Variants in FILIP1 observed in about 807,000 individuals in gnomAD.
FILIP1 encodes the protein filamin-A-interacting protein 1.
Under a neutral mutation model 102.1 loss-of-function variants are expected in FILIP1, and 61 were observed. That is an observed-to-expected ratio of 0.60 (90% CI 0.49 to 0.74). The LOEUF is 0.74. Ranked by LOEUF, FILIP1 falls within the 30% of genes least tolerant of loss-of-function variation. The pLI, the probability that FILIP1 is intolerant of heterozygous loss-of-function variation, is 0.00. For missense variants in FILIP1, 1,314 were observed against 1,441.2 expected, an observed-to-expected ratio of 0.91 and a Z score of 1.43; for synonymous variants, 491 against 526.9, an observed-to-expected ratio of 0.93 and a Z score of 0.93.
At chr6:75,442,745 GGAGAGGGAGAGGGA>G (rs1778312914) in intron 1 of FILIP1, among the ~76,000 whole-genome samples, 1 of 152,016 alleles carries the variant, frequency 6.6e-6, no homozygotes, top group African/African-American at 2.4e-5. Flanking sequence ...GAGACCGTGG[GGAGAGGGAGAGGGA>G]GAGGGGGAGG....
chr6:75,410,384 AT>A (rs1196398419), intron 2 of FILIP1, among the ~76,000 whole-genome samples: 1 of 149,250 alleles, frequency 6.7e-6, no homozygotes, highest in Non-Finnish European at 1.5e-5. Flanking sequence ...TAACTTCCAC[AT>A]TTTTTTTGAG....
rs1488752112 is a variant in FILIP1, at chr6:75,488,876, ACTTTT to A, written c.-7+4533_-7+4537del. On this transcript the variant is annotated intron_variant, in intron 1 of 5. Coordinates refer to ENST00000237172, the MANE Select transcript of FILIP1 (RefSeq NM_015687.5). ...ACACTTTTTGTTTGTCTTGGAATGT[ACTTTT>A]CTTTTCATATTTAAGAAGAATGAAT... 9.2e-5 allele frequency among the ~76,000 whole-genome samples: 14 copies of A among 152,284 alleles called. 1 individual carries two copies. The highest frequency in any genetic ancestry group is 6.2e-4 in the South Asian group (3 of 4,830).
chr6:75,335,407 C>T (rs1370704106), intron 4 of FILIP1, among the ~76,000 whole-genome samples: 1 of 152,118 alleles, frequency 6.6e-6, no homozygotes, highest in African/African-American at 2.4e-5. Context: ...AGCATTTATA[C>T]AAAATGTTTT....
In FILIP1 at chr6:75,372,781, A is replaced by G. The variant is rs7770581; in HGVS notation, c.277-9864T>C. 4.8e-3 allele frequency among the ~76,000 whole-genome samples: 373 copies of G among 77,092 alleles called. 51 individuals carry two copies. Among genetic ancestry groups the G allele is most frequent in the African/African-American group, 0.021 (343 of 15,974 alleles). The allele number at this position is 77,092 out of a possible 152,430, so 50.6% of individuals were successfully genotyped here. A position where few individuals can be genotyped will look rare whatever the true frequency, so the allele number is the denominator to read the frequency against. Reference sequence around the variant, plus strand: ...AAGAAAGAAAGAAAGAAAGAAAGAAAGAAAGAAAGAAAGAAGGAAAGAAAG... The same window carrying G: ...AAGAAAGAAAGAAAGAAAGAAAGAAGGAAAGAAAGAAAGAAGGAAAGAAAG... On this transcript the variant is annotated intron_variant, in intron 2 of 5. Transcript: ENST00000237172.
chr6:75,345,613 C>T (rs991936300), intron 4 of FILIP1, among the ~76,000 whole-genome samples: 2 of 152,042 alleles, frequency 1.3e-5, no homozygotes, highest in Non-Finnish European at 2.9e-5. Context: ...CTTTTCCGTG[C>T]GCTATGTAAA....
chr6:75,369,676 C>A (rs2998370), intron 2 of FILIP1, among the ~76,000 whole-genome samples: 5,567 of 152,198 alleles, frequency 0.037, 362 homozygotes, highest in African/African-American at 0.13. Flanking sequence ...GGATGGAATG[C>A]CCACGAGCCT....
At chr6:75,402,715 A>G (rs1009038402) in intron 2 of FILIP1, among the ~76,000 whole-genome samples, 1 of 152,202 alleles carries the variant, frequency 6.6e-6, no homozygotes, top group Non-Finnish European at 1.5e-5. Context: ...CACCATTCCC[A>G]ATGGAGTTAT....
In FILIP1 at chr6:75,478,710, C is replaced by T. The variant is rs116114586; in HGVS notation, c.-7+14704G>A. On this transcript the variant is annotated intron_variant, in intron 1 of 5. Transcript: ENST00000237172. Reference sequence around the variant, plus strand: ...ATGTCCGAATTAATAAGCTGTATAACCTTGAGAAAGTTTAAACTTTCTGGG... The same window carrying T: ...ATGTCCGAATTAATAAGCTGTATAATCTTGAGAAAGTTTAAACTTTCTGGG... Among the ~76,000 whole-genome samples, 1,284 of 152,204 alleles carry T rather than the reference C, an allele frequency of 8.4e-3. 24 individuals are homozygous for T. The highest frequency in any genetic ancestry group is 0.03 in the African/African-American group (1,230 of 41,512).
At chr6:75,483,953 T>C (rs981691967) in intron 1 of FILIP1, among the ~76,000 whole-genome samples, 1 of 152,186 alleles carries the variant, frequency 6.6e-6, no homozygotes, top group African/African-American at 2.4e-5. Context: ...ATCTGCCTTA[T>C]GAAACTGTTA....
At position 75,403,369 on chromosome 6, in the gene FILIP1, G is replaced by T. The variant is rs115951962; in HGVS notation, c.276+11328C>A. Among the ~76,000 whole-genome samples, 803 of 151,946 alleles carry T rather than the reference G, an allele frequency of 5.3e-3. 14 individuals carry two copies. Among genetic ancestry groups the T allele is most frequent in the African/African-American group, 0.018 (764 of 41,430 alleles). ...TCTCCACAAAAATTCAAAAAAATTAGCCAAGTGTGGTGGTGCATGCCTACA... is the reference window on the plus strand; with the variant it reads ...TCTCCACAAAAATTCAAAAAAATTATCCAAGTGTGGTGGTGCATGCCTACA... On this transcript the variant is annotated intron_variant, in intron 2 of 5. Transcript: ENST00000237172.
At chr6:75,461,459 T>C (rs1779020569) in intron 1 of FILIP1, among the ~76,000 whole-genome samples, 1 of 152,214 alleles carries the variant, frequency 6.6e-6, no homozygotes, top group Admixed American at 6.5e-5. Flanking sequence ...TGTGGTCATA[T>C]GGATTTTTTT....
intron 1 of FILIP1, among the ~76,000 whole-genome samples, chr6:75,427,152 T>C (rs1777654030): frequency 6.6e-6 from 1 of 152,134 alleles, no homozygotes; most frequent in Non-Finnish European, 1.5e-5. Context: ...GACTTATACA[T>C]GAATGTAATA....
downstream of FILIP1, among the ~76,000 whole-genome samples, chr6:75,305,062 C>A (rs549647998): frequency 6.6e-6 from 1 of 151,958 alleles, no homozygotes; most frequent in Non-Finnish European, 1.5e-5. Flanking sequence ...CAAGTGAAAA[C>A]GAGAAGTGGA....
At chr6:75,395,947 ACTTGG>A (rs1482395945) in intron 2 of FILIP1, among the ~76,000 whole-genome samples, 1 of 152,034 alleles carries the variant, frequency 6.6e-6, no homozygotes, top group African/African-American at 2.4e-5. Flanking sequence ...AATGACCTTG[ACTTGG>A]ATGTGGAAAC....
At position 75,314,545 on chromosome 6, in the gene FILIP1, C is replaced by T; in HGVS notation, c.1287G>A (p.Gln429=). ...ATTTCTCTAGTTCAGACATTCTCTT[C>T]TGTAGCTTCTCAACTTCAAGTCTGA... ...KELRLEVEKL[Q]KRMSELEKLE... is the part of the protein sequence containing the mutation. Residue 429 remains glutamine, a synonymous_variant, in exon 5 of 6, where the codon CAG becomes CAA. Coordinates refer to ENST00000237172, the MANE Select transcript of FILIP1 (RefSeq NM_015687.5). 6.2e-7 allele frequency: 1 copy of T among 1,614,040 alleles called. No homozygotes were observed. The highest frequency in any genetic ancestry group is 1.7e-5 in the Admixed American group (1 of 60,012).
downstream of FILIP1, among the ~76,000 whole-genome samples, chr6:75,307,008 G>T (rs1350907228): frequency 6.6e-6 from 1 of 152,058 alleles, no homozygotes; most frequent in Non-Finnish European, 1.5e-5. Context: ...TCACCCTGTT[G>T]GCCAGGCTGG....
intron 4 of FILIP1, among the ~76,000 whole-genome samples, chr6:75,338,589 T>C (rs1774318536): frequency 6.6e-6 from 1 of 152,238 alleles, no homozygotes; most frequent in African/African-American, 2.4e-5. Flanking sequence ...AGTTATTCAC[T>C]GTAGTGATAC....
At chr6:75,374,345 G>A (rs925610814) in intron 2 of FILIP1, among the ~76,000 whole-genome samples, 1 of 152,060 alleles carries the variant, frequency 6.6e-6, no homozygotes, top group Admixed American at 6.6e-5. Flanking sequence ...CAGCAGATAG[G>A]GTCCAGCTTT....
At chr6:75,477,827 T>C (rs1779529070) in intron 1 of FILIP1, among the ~76,000 whole-genome samples, 1 of 151,942 alleles carries the variant, frequency 6.6e-6, no homozygotes, top group African/African-American at 2.4e-5. Context: ...CAAGAGATAA[T>C]AGGAAACAAG....
Sources: allele counts gnomAD v4.1 joint callset (sites outside exome capture counted in the v4.1 genomes callset), GRCh38; gene constraint gnomAD v4.1.1; transcripts MANE v1.5; gene names NCBI Gene and HGNC (gene_info 2026-07-23, HGNC 2026-07-21).